Variants in PPP6R1 observed in about 807,000 individuals in gnomAD.
PPP6R1 encodes serine/threonine-protein phosphatase 6 regulatory subunit 1.
Under a neutral mutation model 104.6 loss-of-function variants are expected in PPP6R1, and 39 were observed. That is an observed-to-expected ratio of 0.37 (90% CI 0.29 to 0.49). PPP6R1 has a LOEUF of 0.49. Among genes scored for constraint, PPP6R1 ranks in the 20% least tolerant of loss-of-function variants. The pLI is 0.98. For missense variants in PPP6R1, 1,181 were observed against 1,155.8 expected (o/e 1.02, Z -0.32); for synonymous variants, 549 against 479.0 (o/e 1.15, Z -1.91).
intron 1 of PPP6R1, among the ~76,000 whole-genome samples, chr19:55,253,567 G>C (rs7249693): frequency 0.013 from 2,029 of 152,260 alleles, 24 homozygotes; most frequent in African/African-American, 0.029. Flanking sequence ...CCCAGGCAGC[G>C]CCCTGAACTC....
At chr19:55,236,004 A>C (rs1206056983) in intron 17 of PPP6R1, among the ~76,000 whole-genome samples, 1 of 151,508 alleles carries the variant, frequency 6.6e-6, no homozygotes, top group Non-Finnish European at 1.5e-5. Flanking sequence ...ACATCCAGGT[A>C]ATTTTTGTAG....
rs1208924115 is a variant in PPP6R1 at position 55,242,239 on chromosome 19, C to T, written c.772G>A (p.Gly258Arg). The change falls in exon 7 of 24, where the codon GGG (glycine) becomes AGG (arginine). Residue 258 changes from glycine (G) to arginine (R), a missense_variant. By Grantham distance (125) the Gly-to-Arg change is moderately radical (BLOSUM62 -2). Coordinates refer to ENST00000412770, the MANE Select transcript of PPP6R1 (RefSeq NM_014931.4). The part of the protein sequence containing the change: ...IEQLLSNMFE[G>R]EQSQSVIVSG... ...ACGATGACAGACTGGCTCTGCTCCC[C>T]CTCGAACATGTTGCTTAAGAGCTGC... The T allele has an allele frequency of 2.5e-6, 4 of 1,613,976 alleles. No homozygotes were observed. The highest frequency in any genetic ancestry group is 3.4e-6 in the Non-Finnish European group (4 of 1,179,896).
Position 55,231,496 on chromosome 19 carries a change from G to A in PPP6R1, c.2378-5C>T. On this transcript the variant is annotated splice_polypyrimidine_tract_variant and splice_region_variant and intron_variant, in intron 20 of 23. Coordinates refer to ENST00000412770, the MANE Select transcript of PPP6R1 (RefSeq NM_014931.4). ...TAACCAAGGCCTGGCAAGGGGCTGT[G>A]GGGGATAAGAGATCTCAGCTGCAGC... 1 of 1,605,790 alleles carries A rather than the reference G, an allele frequency of 6.2e-7. No homozygotes were observed. Among genetic ancestry groups the A allele is most frequent in the Non-Finnish European group, 8.5e-7 (1 of 1,176,342 alleles).
At position 55,242,351 on chromosome 19, in the gene PPP6R1, G is replaced by C. The variant is rs892537324; in HGVS notation, c.731+25C>G. On this transcript the variant is annotated intron_variant, in intron 6 of 23. Transcript: ENST00000412770. ...GGCTTCCCCAAGTCAGCTCCCCCCA[G>C]CCTTAGCCTTGCCCGCACACCCACT... The C allele has an allele frequency of 3.7e-6, 6 of 1,611,834 alleles. No homozygotes were observed. In the African/African-American group the frequency reaches 5.3e-5, roughly 14 times the overall value.
chr19:55,238,366 T>A (rs1023106392), intron 15 of PPP6R1, among the ~76,000 whole-genome samples: 5 of 152,236 alleles, frequency 3.3e-5, no homozygotes, highest in African/African-American at 1.2e-4. Flanking sequence ...CAGGAACAGC[T>A]GACTATCCCT....
At chr19:55,240,160 G>C (rs1189072940) in intron 11 of PPP6R1, 46 bp from the exon 12 acceptor site, 2 of 1,562,162 alleles carry the variant, frequency 1.3e-6, no homozygotes, top group South Asian at 2.4e-5. Context: ...CTGGACCCAG[G>C]GATGCCCAGC....
chr19:55,231,000 AC>A (rs1178374731), intron 21 of PPP6R1, 116 bp from the exon 22 acceptor site: 1 of 882,120 alleles, frequency 1.1e-6, no homozygotes, highest in Non-Finnish European at 1.8e-6. Flanking sequence ...CACCTGCCCC[AC>A]GGGGAGGGGC....
Position 55,258,832 on chromosome 19 carries a change from G to C in PPP6R1, c.-404C>G, listed in dbSNP as rs934889086. ...GCCCCGGTTTCCACAGTCCAACCGA[G>C]CGCCCCACGGGAGGGGAAGGCGACC... is the stretch of plus-strand genomic sequence containing the variant. On this transcript the variant is annotated 5_prime_UTR_variant, in exon 1 of 24. Coordinates refer to ENST00000412770, the MANE Select transcript of PPP6R1 (RefSeq NM_014931.4). The C allele has an allele frequency of 1.3e-5, 2 of 152,128 alleles. No individual in the cohort carries two copies. Among genetic ancestry groups the C allele is most frequent in the African/African-American group, 4.8e-5 (2 of 41,430 alleles). The allele number at this position is 152,128 out of a possible 1,614,324, so 9.4% of individuals were successfully genotyped here.
intron 1 of PPP6R1, among the ~76,000 whole-genome samples, chr19:55,257,078 TAAA>T (rs35336959): frequency 1.6e-4 from 15 of 94,236 alleles, no homozygotes; most frequent in Admixed American, 3.6e-4. Context: ...GAACTAGAGT[TAAA>T]AAAAAAAAAA....
At chr19:55,236,586 C>A in intron 17 of PPP6R1, 57 bp downstream of exon 17, 1 of 1,452,176 alleles carries the variant, frequency 6.9e-7, no homozygotes, top group Non-Finnish European at 9.0e-7. Context: ...TTGGGGGGAC[C>A]CCTTGGCCCT....
At chr19:55,228,769 A>T, downstream of PPP6R1, 1 of 1,611,002 alleles carries the variant, frequency 6.2e-7, no homozygotes, top group Non-Finnish European at 8.5e-7. Context: ...AGAGCGACCT[A>T]ATCTGGGAGC....
Position 55,240,133 on chromosome 19 carries a change from G to T in PPP6R1, c.1362-19C>A. ...CGCACACCTGGCAAGAGTGAAGGCC[G>T]CGGCTGCAAGCCAGGACTGGACCCA... On this transcript the variant is annotated intron_variant, in intron 11 of 23. Transcript: ENST00000412770. 1 of 1,564,956 alleles carries T rather than the reference G, an allele frequency of 6.4e-7. No individual in the cohort carries two copies.
At chr19:55,244,134 G>A (rs1342970509) in intron 5 of PPP6R1, among the ~76,000 whole-genome samples, 1 of 152,216 alleles carries the variant, frequency 6.6e-6, no homozygotes, top group Non-Finnish European at 1.5e-5. Context: ...AGCTGCCAGG[G>A]CTTGGCAGTG....
In PPP6R1 at chr19:55,231,483, G is replaced by A; in HGVS notation, c.2386C>T (p.Gln796Ter). Residue 796 changes from glutamine (Q) to a stop codon, truncating the protein, a stop_gained, in exon 21 of 24, where the codon CAG becomes TAG. Coordinates refer to ENST00000412770, the MANE Select transcript of PPP6R1 (RefSeq NM_014931.4). LOFTEE classifies it high-confidence loss of function. ...AGGTCCCCGATGCTAACCAAGGCCT[G>A]GCAAGGGGCTGTGGGGGATAAGAGA... ...SKVTEPSAPC[Q>*]ALVSIGDLQA... 6.2e-7 allele frequency: 1 copy of A among 1,607,768 alleles called. No individual in the cohort carries two copies. The highest frequency in any genetic ancestry group is 8.5e-7 in the Non-Finnish European group (1 of 1,177,528).
At chr19:55,238,167 C>G (rs1371491918) in intron 15 of PPP6R1, among the ~76,000 whole-genome samples, 2 of 151,794 alleles carry the variant, frequency 1.3e-5, no homozygotes, top group Non-Finnish European at 2.9e-5. Flanking sequence ...TCCCTAAGTG[C>G]TGGGATTAAG....
chr19:55,239,165 C>T, intron 15 of PPP6R1: 1 of 536,888 alleles, frequency 1.9e-6, no homozygotes, highest in Non-Finnish European at 3.4e-6. Flanking sequence ...TTGTGCCCCA[C>T]CCTCATGGCC....
intron 1 of PPP6R1, among the ~76,000 whole-genome samples, chr19:55,249,974 G>A (rs765102871): frequency 6.6e-5 from 10 of 152,122 alleles, no homozygotes; most frequent in Non-Finnish European, 1.0e-4. Flanking sequence ...CCATGCCCAC[G>A]GTGACCCCAG....
intron 1 of PPP6R1, among the ~76,000 whole-genome samples, chr19:55,250,230 T>C (rs927637183): frequency 6.6e-6 from 1 of 152,092 alleles, no homozygotes; most frequent in African/African-American, 2.4e-5. Context: ...CTCCACCAAC[T>C]CTCACAACCA....
At chr19:55,247,933 C>T (rs1283393949) in intron 1 of PPP6R1, among the ~76,000 whole-genome samples, 1 of 152,196 alleles carries the variant, frequency 6.6e-6, no homozygotes, top group Non-Finnish European at 1.5e-5. Flanking sequence ...CAACACCCGG[C>T]CCTGACCCTG....
Sources: allele counts gnomAD v4.1 joint callset (sites outside exome capture counted in the v4.1 genomes callset), GRCh38; gene constraint gnomAD v4.1.1; transcripts MANE v1.5; gene names NCBI Gene and HGNC (gene_info 2026-07-23, HGNC 2026-07-21).